SOX6: variants seen among roughly 807,000 people sequenced by gnomAD.
SOX6 encodes SRY-box transcription factor 6, also known as transcription factor SOX-6.
In SOX6, 11 loss-of-function variants were observed where a neutral mutation model predicts 97.8. That is an observed-to-expected ratio of 0.11 (90% CI 0.07 to 0.19). The LOEUF (loss-of-function observed/expected upper bound fraction) is 0.19. Among genes scored for constraint, SOX6 ranks in the 10% least tolerant of loss-of-function variants. SOX6 has a pLI of 1.00. For missense variants in SOX6, 810 were observed against 1,039.5 expected, an observed-to-expected ratio of 0.78 and a Z score of 3.04; for synonymous variants, 360 against 371.4, an observed-to-expected ratio of 0.97 and a Z score of 0.35.
rs191708190 is a variant in SOX6 at position 16,570,150 on chromosome 11, C to G, written n.609+41931G>C. 1.4e-4 allele frequency among the ~76,000 whole-genome samples: 22 copies of G among 152,106 alleles called. No individual in the cohort carries two copies. In the East Asian group the frequency reaches 4.1e-3, roughly 28 times the overall value. On this transcript the variant is annotated intron_variant and non_coding_transcript_variant, in intron 4 of 5. Coordinates refer to the SOX6 transcript ENST00000524520. Reference sequence around the variant, plus strand: ...TCTGATTCCTATGACTGAATTTATTCTTTCTCATCTTGAAGGTACAGTCTT... The same window carrying G: ...TCTGATTCCTATGACTGAATTTATTGTTTCTCATCTTGAAGGTACAGTCTT...
intron 9 of SOX6, among the ~76,000 whole-genome samples, chr11:16,094,818 C>T (rs1848760109): frequency 6.6e-6 from 1 of 151,850 alleles, no homozygotes; most frequent in Non-Finnish European, 1.5e-5. Flanking sequence ...CCCCTCTCTA[C>T]CTCTTATGTC....
intron 1 of SOX6, among the ~76,000 whole-genome samples, chr11:16,427,760 T>C (rs1440227327): frequency 6.6e-6 from 1 of 152,232 alleles, no homozygotes. Context: ...TCCAAGACTT[T>C]GCTATTGTGA....
chr11:16,499,636 C>A (rs190815285), intron 4 of SOX6, among the ~76,000 whole-genome samples: 4 of 152,180 alleles, frequency 2.6e-5, no homozygotes, highest in East Asian at 1.9e-4. Flanking sequence ...ATATCACCAC[C>A]GATCCCACAG....
chr11:16,283,082 A>G (rs1854617411), intron 3 of SOX6, among the ~76,000 whole-genome samples: 1 of 54,924 alleles, frequency 1.8e-5, no homozygotes, highest in South Asian at 9.0e-4. Flanking sequence ...TAAATTATAT[A>G]TAATTTGTAT....
At chr11:16,085,108 A>T (rs1249672050) in intron 9 of SOX6, among the ~76,000 whole-genome samples, 1 of 152,172 alleles carries the variant, frequency 6.6e-6, no homozygotes, top group Non-Finnish European at 1.5e-5. Flanking sequence ...ATAACTACAC[A>T]TTATGAATGT....
intron 3 of SOX6, among the ~76,000 whole-genome samples, chr11:16,648,872 T>C (rs958364395): frequency 5.3e-5 from 8 of 151,824 alleles, no homozygotes; most frequent in African/African-American, 1.5e-4. Context: ...ATTTAAAAAA[T>C]ACAGAATATG....
chr11:16,596,236 T>C (rs1233428617), intron 4 of SOX6, among the ~76,000 whole-genome samples: 4 of 152,232 alleles, frequency 2.6e-5, no homozygotes, highest in Admixed American at 6.5e-5. Context: ...ATAAGCCACT[T>C]ACTGTAATTT....
intron 6 of SOX6, among the ~76,000 whole-genome samples, chr11:16,175,793 G>A (rs1221883953): frequency 6.6e-6 from 1 of 151,650 alleles, no homozygotes; most frequent in Admixed American, 6.6e-5. Context: ...CTTATTTTGT[G>A]CTTCATTTTT....
intron 6 of SOX6, among the ~76,000 whole-genome samples, chr11:16,167,383 C>G (rs184994851): frequency 2.2e-4 from 34 of 152,250 alleles, no homozygotes; most frequent in Admixed American, 2.2e-3. Context: ...AAAATGCCTT[C>G]TCATGGTCTC....
At chr11:16,312,220 A>T (rs1168443884) in intron 3 of SOX6, 1 of 152,210 alleles carries the variant, frequency 6.6e-6, no homozygotes, top group African/African-American at 2.4e-5. Flanking sequence ...GAGTTCATTT[A>T]TTCTAATATT....
intron 3 of SOX6, among the ~76,000 whole-genome samples, chr11:16,250,454 A>G (rs888539979): frequency 3.9e-5 from 6 of 152,190 alleles, no homozygotes; most frequent in South Asian, 2.1e-4. Flanking sequence ...TGAAAACCAG[A>G]TCTCAATTAG....
chr11:16,158,588 G>A (rs2134066556), intron 6 of SOX6, among the ~76,000 whole-genome samples: 1 of 152,036 alleles, frequency 6.6e-6, no homozygotes, highest in Admixed American at 6.6e-5. Flanking sequence ...TGGAGAGGGG[G>A]CACCCAGGCA....
rs1039139884 is a variant in SOX6 at position 16,427,937 on chromosome 11, G to C, written c.-5+48378C>G. Among the ~76,000 whole-genome samples the C allele has an allele frequency of 6.5e-4, 98 of 151,916 alleles. 1 individual carries two copies. In the East Asian group the frequency reaches 9.7e-3, roughly 15 times the overall value. ...TCCACAATGGTTGAACTAGTTTACA[G>C]TCCCACCAACAGTGTAAAAGTGTTC... On this transcript the variant is annotated intron_variant, in intron 1 of 15. Transcript: ENST00000396356.
intron 4 of SOX6, among the ~76,000 whole-genome samples, chr11:16,549,580 G>T (rs1192252350): frequency 6.6e-6 from 1 of 152,060 alleles, no homozygotes; most frequent in Admixed American, 6.6e-5. Flanking sequence ...ATCCAACAGA[G>T]TAATCCAATG....
intron 3 of SOX6, among the ~76,000 whole-genome samples, chr11:16,304,654 A>G (rs570304792): frequency 1.3e-5 from 2 of 152,322 alleles, no homozygotes; most frequent in East Asian, 3.9e-4. Flanking sequence ...TATTGTATAG[A>G]AATGTGAATG....
At chr11:16,125,864 AAGGAAGG>A (rs1262857417) in intron 6 of SOX6, among the ~76,000 whole-genome samples, 4 of 151,236 alleles carry the variant, frequency 2.6e-5, no homozygotes, top group Non-Finnish European at 4.4e-5. Context: ...GGAAGGAAGG[AAGGAAGG>A]AAGGAAAGTT....
In SOX6 at chr11:16,012,206, C is replaced by T. The variant is rs1006696835; in HGVS notation, c.1732+2736G>A. Among the ~76,000 whole-genome samples, 9 of 151,908 alleles carry T rather than the reference C, an allele frequency of 5.9e-5. No homozygotes were observed. In the East Asian group the frequency reaches 7.7e-4, roughly 13 times the overall value. On this transcript the variant is annotated intron_variant, in intron 13 of 15. Coordinates refer to ENST00000683767, the MANE Select transcript of SOX6 (RefSeq NM_001367873.1). Reference sequence around the variant, plus strand: ...TACTGTTAAGGGAAATATGAAGGAACGAAGTAGAGAAAGTATCATATGTAC... The same window carrying T: ...TACTGTTAAGGGAAATATGAAGGAATGAAGTAGAGAAAGTATCATATGTAC...
chr11:16,420,741 A>G (rs1462657061), intron 1 of SOX6, among the ~76,000 whole-genome samples: 1 of 152,190 alleles, frequency 6.6e-6, no homozygotes, highest in Non-Finnish European at 1.5e-5. Flanking sequence ...ATATGAGAAA[A>G]GTCTATTGCT....
rs553457983 is a variant in SOX6 at position 16,499,766 on chromosome 11, G to C, written n.610-23378C>G. Among the ~76,000 whole-genome samples the C allele has an allele frequency of 3.3e-5, 5 of 152,256 alleles. No homozygotes were observed. The South Asian group carries it at 1.0e-3, about 32-fold the overall frequency. On this transcript the variant is annotated intron_variant and non_coding_transcript_variant, in intron 4 of 5. Transcript: ENST00000524520. ...CCTCCCAACACTAAACCAGGAAGAAGTTGAATCTCTGAATAGACCAATAAC... is the reference window on the plus strand; with the variant it reads ...CCTCCCAACACTAAACCAGGAAGAACTTGAATCTCTGAATAGACCAATAAC...
Sources: gnomAD v4.1 joint callset for allele counts (sites outside exome capture counted in the v4.1 genomes callset) on GRCh38, gnomAD v4.1.1 for gene constraint, MANE v1.5 for transcripts, NCBI Gene and HGNC (gene_info 2026-07-23, HGNC 2026-07-21) for gene names.